The following FYB2 variants were observed in gnomAD, a reference collection of about 807,000 sequenced individuals.
The protein encoded by FYB2 is FYN-binding protein 2.
In FYB2, 103 loss-of-function variants were observed where a neutral mutation model predicts 94.1. That is an observed-to-expected ratio of 1.09 (90% CI 0.93 to 1.29). The LOEUF is 1.29. Among genes scored for constraint, FYB2 ranks in the 50% most tolerant of loss-of-function variants. The pLI, the probability that FYB2 is intolerant of heterozygous loss-of-function variation, is 0.00. For synonymous variants in FYB2, 293 were observed against 287.9 expected, an observed-to-expected ratio of 1.02 and a Z score of -0.18; for missense variants, 896 against 841.5, an observed-to-expected ratio of 1.06 and a Z score of -0.80.
chr1:56,758,577 C>T, intron 6 of FYB2, 139 bp downstream of exon 6: 1 of 626,548 alleles, frequency 1.6e-6, no homozygotes, highest in Non-Finnish European at 2.6e-6. Flanking sequence ...CTCTTAGAAG[C>T]TGGAGTCTGG....
upstream of FYB2, among the ~76,000 whole-genome samples, chr1:56,820,639 T>A (rs1293226850): frequency 6.6e-6 from 1 of 152,208 alleles, no homozygotes; most frequent in Non-Finnish European, 1.5e-5. Context: ...ACCTGGCTGA[T>A]CACCAGAGCT....
At chr1:56,808,667 G>A (rs567154986) in intron 1 of FYB2, among the ~76,000 whole-genome samples, 2 of 152,150 alleles carry the variant, frequency 1.3e-5, no homozygotes, top group Non-Finnish European at 2.9e-5. Context: ...AGCATCCTTG[G>A]CCCTTTGGAG....
At chr1:56,729,195 GGT>G (rs1644649344) in intron 15 of FYB2, among the ~76,000 whole-genome samples, 1 of 152,088 alleles carries the variant, frequency 6.6e-6, no homozygotes, top group Non-Finnish European at 1.5e-5. Flanking sequence ...GGTGGCAGGT[GGT>G]CACATTTGCA....
intron 1 of FYB2, among the ~76,000 whole-genome samples, chr1:56,807,564 C>A (rs1312905450): frequency 2.0e-5 from 3 of 152,164 alleles, no homozygotes; most frequent in Admixed American, 1.3e-4. Flanking sequence ...TCATGCTCAT[C>A]ATTATTGCCT....
chr1:56,751,769 T>G (rs956340369), intron 8 of FYB2, among the ~76,000 whole-genome samples: 6 of 152,086 alleles, frequency 3.9e-5, no homozygotes, highest in Admixed American at 2.6e-4. Flanking sequence ...GACAACATGC[T>G]AAGCTCTAGA....
chr1:56,758,764 A>T lies in FYB2; in HGVS notation c.1064-14T>A. On this transcript the variant is annotated splice_polypyrimidine_tract_variant and intron_variant, in intron 5 of 19. Transcript: ENST00000343433. ...CTTCATAAGTTGCTAAAGTAAACAT[A>T]AAAAAATTATTTCAAGGCAGCTGAT... 3 of 1,584,722 alleles carry T rather than the reference A, an allele frequency of 1.9e-6. No homozygotes were observed. Among genetic ancestry groups the T allele is most frequent in the Non-Finnish European group, 2.6e-6 (3 of 1,162,200 alleles).
chr1:56,752,191 G>A (rs1645215910), intron 8 of FYB2, among the ~76,000 whole-genome samples: 1 of 151,980 alleles, frequency 6.6e-6, no homozygotes, highest in Non-Finnish European at 1.5e-5. Flanking sequence ...GCTGAGTTAT[G>A]AAGGGTCTTG....
At chr1:56,765,679 G>A (rs1405955978) in intron 5 of FYB2, among the ~76,000 whole-genome samples, 1 of 152,138 alleles carries the variant, frequency 6.6e-6, no homozygotes, top group Non-Finnish European at 1.5e-5. Flanking sequence ...GTGTTTCTGA[G>A]TTGCTAACTT....
intron 4 of FYB2, among the ~76,000 whole-genome samples, chr1:56,770,831 T>C (rs756558923): frequency 3.9e-5 from 6 of 152,144 alleles, no homozygotes; most frequent in Non-Finnish European, 7.4e-5. Context: ...GAAAGTATAT[T>C]CCAGTCATCA....
At chr1:56,728,960 T>C (rs1212619640) in intron 15 of FYB2, among the ~76,000 whole-genome samples, 2 of 152,054 alleles carry the variant, frequency 1.3e-5, no homozygotes, top group African/African-American at 4.8e-5. Flanking sequence ...ATTGATGAAG[T>C]TGGAACAAAT....
Position 56,742,160 on chromosome 1 carries a change from C to T in FYB2, c.1604+1G>A, listed in dbSNP as rs762829463. The T allele has an allele frequency of 6.2e-7, 1 of 1,603,112 alleles. No homozygotes were observed. Among genetic ancestry groups the T allele is most frequent in the Non-Finnish European group, 8.5e-7 (1 of 1,172,006 alleles). On this transcript the variant is annotated splice_donor_variant, in intron 12 of 19. Coordinates refer to ENST00000343433, the MANE Select transcript of FYB2 (RefSeq NM_001004303.5). LOFTEE classifies it high-confidence loss of function. ...CAAAGCCAAGAAAGAGAGAAACTCA[C>T]TCTATCTTTGGGTAGTTGTTCTTTG...
intron 1 of FYB2, among the ~76,000 whole-genome samples, chr1:56,805,830 T>C (rs985862115): frequency 2.6e-5 from 4 of 152,164 alleles, no homozygotes; most frequent in African/African-American, 9.7e-5. Flanking sequence ...ATGTAAGATG[T>C]GACTTGCTCC....
chr1:56,788,331 A>G (rs1646178328), intron 3 of FYB2, among the ~76,000 whole-genome samples: 1 of 152,230 alleles, frequency 6.6e-6, no homozygotes, highest in Non-Finnish European at 1.5e-5. Flanking sequence ...CCCAAAGTGT[A>G]TGTTCATCTT....
At chr1:56,767,672 G>T (rs538067004) in intron 5 of FYB2, among the ~76,000 whole-genome samples, 157 bp downstream of exon 5, 2 of 152,046 alleles carry the variant, frequency 1.3e-5, no homozygotes, top group South Asian at 4.2e-4. Flanking sequence ...ATATTTTTAA[G>T]AGACCAGACA....
intron 5 of FYB2, 125 bp downstream of exon 5, chr1:56,767,704 A>C: frequency 1.4e-6 from 1 of 719,030 alleles, no homozygotes; most frequent in Non-Finnish European, 2.3e-6. Context: ...AAGAAAAAGA[A>C]ATAAGATGGT....
chr1:56,825,525 C>A, the FYB2 span, among the ~76,000 whole-genome samples: 1 of 152,064 alleles, frequency 6.6e-6, no homozygotes, highest in Non-Finnish European at 1.5e-5. Flanking sequence ...AGATACACAG[C>A]GGGGAACAAA....
rs775161863 is a variant in FYB2 at position 56,720,214 on chromosome 1, G to C, written c.2090C>G (p.Thr697Ser). The change falls in exon 18 of 20, where the codon ACC becomes AGC. Residue 697 changes from threonine (T) to serine (S), a missense_variant. Thr to Ser is a moderately conservative substitution (Grantham distance 58). Coordinates refer to ENST00000343433, the MANE Select transcript of FYB2 (RefSeq NM_001004303.5). ...PGEELEVIDT[T>S]EQNLVICRNS... The stretch of plus-strand genomic sequence containing the variant: ...ACGACATATCACTAGATTTTGTTCG[G>C]TGGTATCAATGACTTCCAATTCTTC... 1 of 1,611,632 alleles carries C rather than the reference G, an allele frequency of 6.2e-7. No homozygotes were observed. The highest frequency in any genetic ancestry group is 8.5e-7 in the Non-Finnish European group (1 of 1,178,908).
At chr1:56,787,434 C>T (rs759130671) in intron 3 of FYB2, among the ~76,000 whole-genome samples, 3 of 152,228 alleles carry the variant, frequency 2.0e-5, no homozygotes, top group Non-Finnish European at 2.9e-5. Flanking sequence ...GGTACAATCT[C>T]TTGCATTAGA....
At chr1:56,789,869 A>G (rs1450731624) in intron 2 of FYB2, among the ~76,000 whole-genome samples, 1 of 152,182 alleles carries the variant, frequency 6.6e-6, no homozygotes, top group Non-Finnish European at 1.5e-5. Flanking sequence ...TGACATGCAA[A>G]TAAGTGGCTC....
Sources: gnomAD v4.1 joint callset for allele counts (sites outside exome capture counted in the v4.1 genomes callset) on GRCh38, gnomAD v4.1.1 for gene constraint, MANE v1.5 for transcripts, NCBI Gene and HGNC (gene_info 2026-07-23, HGNC 2026-07-21) for gene names.